Variants in ZNF268 observed in about 807,000 individuals in gnomAD.
ZNF268 encodes zinc finger protein 3.
In ZNF268, 20 loss-of-function variants were observed where a neutral mutation model predicts 29.3. That is an observed-to-expected ratio of 0.68 (90% CI 0.48 to 0.99). The LOEUF (loss-of-function observed/expected upper bound fraction) is 0.99, where lower values mean the gene tolerates loss of function less well. Ranked by LOEUF, ZNF268 falls within the 50% of genes least tolerant of loss-of-function variation. The pLI is 0.00. For missense variants in ZNF268, 1,240 were observed against 1,121.6 expected, an observed-to-expected ratio of 1.11 and a Z score of -1.51; for synonymous variants, 429 against 376.9, an observed-to-expected ratio of 1.14 and a Z score of -1.60.
chr12:133,184,724 C>G (rs756366219), intron 2 of ZNF268: 1 of 451,318 alleles, frequency 2.2e-6, no homozygotes, highest in East Asian at 7.0e-5. Flanking sequence ...TCAAGTGGTT[C>G]TCTTGCCTCA....
chr12:133,184,718 G>A, intron 2 of ZNF268: 1 of 451,590 alleles, frequency 2.2e-6, no homozygotes, highest in South Asian at 1.6e-5. Context: ...CCGAGTTCAA[G>A]TGGTTCTCTT....
rs1383967103 is a variant in ZNF268 at position 133,204,849 on chromosome 12, T to A, written c.*319T>A. ...GTAAAGTCATTTTACTAAAATAAGA[T>A]TCACAAAGAGGAAACTTCATGAACC... On this transcript the variant is annotated 3_prime_UTR_variant, in exon 6 of 6. Transcript: ENST00000536435. 2.3e-5 allele frequency: 5 copies of A among 219,650 alleles called. No individual in the cohort carries two copies. The highest frequency in any genetic ancestry group is 3.6e-5 in the Non-Finnish European group (4 of 112,612). 13.6% of individuals were successfully genotyped at this position (219,650 alleles called of 1,614,324 possible).
At position 133,196,960 on chromosome 12, in the gene ZNF268, CT is replaced by C. The variant is rs142022636; in HGVS notation, c.457+4967del. ...AAGATCCCCTGATCTGCTCTGCTTTCTTTTTTTTTTAATATTAATACCTTTA... is the reference window on the plus strand; with the variant it reads ...AAGATCCCCTGATCTGCTCTGCTTTCTTTTTTTTTAATATTAATACCTTTA... On this transcript the variant is annotated intron_variant, in intron 5 of 5. Transcript: ENST00000536435. Among the ~76,000 whole-genome samples the C allele has an allele frequency of 2.2e-3, 302 of 136,904 alleles. 2 individuals are homozygous for C. Among genetic ancestry groups the C allele is most frequent in the Non-Finnish European group, 3.4e-3 (215 of 62,846 alleles). 89.8% of individuals were successfully genotyped at this position (136,904 alleles called of 152,430 possible). A position where few individuals can be genotyped will look rare whatever the true frequency, so the allele number is the denominator to read the frequency against.
chr12:133,202,109 A>G lies in ZNF268; in HGVS notation c.458-35A>G. ...CTTTCTAGTATACCGCAATCATGTG[A>G]TTTATAACATGTGACCAATTGTTCT... On this transcript the variant is annotated intron_variant, in intron 5 of 5. Transcript: ENST00000536435. The G allele has an allele frequency of 6.0e-6, 9 of 1,504,188 alleles. No homozygotes were observed. In the East Asian group the frequency reaches 2.1e-4, roughly 34 times the overall value. The allele number at this position is 1,504,188 out of a possible 1,614,324, so 93.2% of individuals were successfully genotyped here. A position where few individuals can be genotyped will look rare whatever the true frequency, so the allele number is the denominator to read the frequency against.
chr12:133,202,030 A>T, intron 5 of ZNF268, 114 bp from the exon 6 acceptor site: 1 of 856,166 alleles, frequency 1.2e-6, no homozygotes, highest in Non-Finnish European at 1.7e-6. Flanking sequence ...TTTCTAGTAT[A>T]CCACAATCAT....
intron 2 of ZNF268, among the ~76,000 whole-genome samples, chr12:133,184,973 C>T (rs1956272204): frequency 6.6e-6 from 1 of 152,092 alleles, no homozygotes; most frequent in Non-Finnish European, 1.5e-5. Context: ...CATCTGAGGT[C>T]AGGAGTTCGA....
rs981825194 is a variant in ZNF268, at chr12:133,204,155, CAT to C, written c.2470_2471del (p.Ile824CysfsTer3). 5.8e-6 allele frequency: 9 copies of C among 1,542,364 alleles called. No individual in the cohort carries two copies. In the African/African-American group the frequency reaches 1.2e-4, roughly 21 times the overall value. On this transcript the variant is annotated frameshift_variant, in exon 6 of 6. Transcript: ENST00000536435. LOFTEE classifies it low-confidence loss of function (END_TRUNC). ...GKAFIWKSLL[I>X]VHERTHAGVN... ...AAGCCTTCATTTGGAAATCACTACT[CAT>C]TGTACATGAGCGAACTCATGCAGGG...
intron 5 of ZNF268, among the ~76,000 whole-genome samples, chr12:133,192,951 G>A (rs1436646018): frequency 1.3e-5 from 2 of 152,184 alleles, no homozygotes; most frequent in East Asian, 3.9e-4. Context: ...CAGGCACCAT[G>A]CCTGGCCTTG....
rs1271294913 is a variant in ZNF268, at chr12:133,212,088, A to G, written c.*7558A>G. 1 of 152,224 alleles carries G rather than the reference A, an allele frequency of 6.6e-6. No individual in the cohort carries two copies. The highest frequency in any genetic ancestry group is 2.4e-5 in the African/African-American group (1 of 41,452). The allele number at this position is 152,224 out of a possible 1,614,324, so 9.4% of individuals were successfully genotyped here. On this transcript the variant is annotated 3_prime_UTR_variant, in exon 6 of 6. Transcript: ENST00000536435. The stretch of plus-strand genomic sequence containing the variant: ...CAGGACATGGATGAATCTGATAGGC[A>G]TATTGCTAAGTGAAAGAGACCAGTG...
Position 133,204,012 on chromosome 12 carries a change from G to C in ZNF268, c.2326G>C (p.Gly776Arg), listed in dbSNP as rs1276698681. ...CATTTCACATCAGCGAACTCATGCA[G>C]GGGAAAAGCCTTATGGGTGCAGTGA... Reference protein sequence around the residue: ...QLISHQRTHAGEKPYGCSECG... With the variant: ...QLISHQRTHAREKPYGCSECG... Residue 776 changes from glycine to arginine, a missense_variant, in exon 6 of 6, where the codon GGG becomes CGG. By Grantham distance (125) the Gly-to-Arg change is moderately radical. Transcript: ENST00000536435. 1 of 1,578,262 alleles carries C rather than the reference G, an allele frequency of 6.3e-7. No homozygotes were observed. The highest frequency in any genetic ancestry group is 1.1e-5 in the South Asian group (1 of 87,364).
chr12:133,190,953 C>G (rs1417050593), intron 3 of ZNF268, among the ~76,000 whole-genome samples: 1 of 152,020 alleles, frequency 6.6e-6, no homozygotes, highest in Admixed American at 6.5e-5. Context: ...GTTTGCCTGA[C>G]TGTCCTGCCT....
At chr12:133,196,764 C>T (rs571692032) in intron 5 of ZNF268, among the ~76,000 whole-genome samples, 3 of 152,180 alleles carry the variant, frequency 2.0e-5, no homozygotes, top group South Asian at 2.1e-4. Flanking sequence ...TTGTGAAAAC[C>T]GAAAGTGCTC....
In ZNF268 at chr12:133,183,810, C is replaced by A. The variant is rs577574066; in HGVS notation, c.33+1780C>A. On this transcript the variant is annotated intron_variant, in intron 2 of 5. Coordinates refer to ENST00000536435, the MANE Select transcript of ZNF268 (RefSeq NM_003415.3). The stretch of plus-strand genomic sequence containing the variant: ...CTGAGGACAGTGGTCAGGGAAATGA[C>A]AAGAGAAAGCAGGGGAAGAGGTGTT... 1.1e-3 allele frequency among the ~76,000 whole-genome samples: 161 copies of A among 152,116 alleles called. 1 individual carries two copies. The highest frequency in any genetic ancestry group is 3.3e-3 in the South Asian group (16 of 4,826).
intron 5 of ZNF268, among the ~76,000 whole-genome samples, chr12:133,198,209 G>C (rs1956660400): frequency 6.8e-6 from 1 of 147,612 alleles, no homozygotes; most frequent in East Asian, 1.9e-4. Flanking sequence ...ATTGATTTTT[G>C]TATAAGGTGT....
intron 5 of ZNF268, among the ~76,000 whole-genome samples, chr12:133,196,023 TAAA>T (rs760775058): frequency 9.1e-5 from 11 of 120,374 alleles, no homozygotes; most frequent in African/African-American, 1.2e-4. Context: ...CCTGTCTCTT[TAAA>T]AAAAAAAAAA....
At chr12:133,189,664 C>T (rs1354628671) in intron 3 of ZNF268, among the ~76,000 whole-genome samples, 1 of 152,194 alleles carries the variant, frequency 6.6e-6, no homozygotes, top group African/African-American at 2.4e-5. Context: ...TCTTCATAAA[C>T]AGTCGTGTCA....
chr12:133,211,458 G>A lies in ZNF268; in HGVS notation c.*6928G>A, dbSNP rs1162130133. On this transcript the variant is annotated 3_prime_UTR_variant, in exon 6 of 6. Coordinates refer to ENST00000536435, the MANE Select transcript of ZNF268 (RefSeq NM_003415.3). ...TAGCCAGGCGTGGTGGCGCTACTCT[G>A]CCACCAAGTGGTAGCTACTCCGGAG... 3 of 175,792 alleles carry A rather than the reference G, an allele frequency of 1.7e-5. No individual in the cohort carries two copies. The highest frequency in any genetic ancestry group is 1.6e-4 in the East Asian group (1 of 6,400). 10.9% of individuals were successfully genotyped at this position (175,792 alleles called of 1,614,324 possible).
In ZNF268 at chr12:133,188,005, G is replaced by T; in HGVS notation, c.167G>T (p.Arg56Leu). ...ACACCCAGGCAGAAGCAGAAGAGTCGCAGAATAGAGAAAGTCCTAGAGTGG... is the reference window on the plus strand; with the variant it reads ...ACACCCAGGCAGAAGCAGAAGAGTCTCAGAATAGAGAAAGTCCTAGAGTGG... ...PGTPRQKQKS[R>L]RIEKVLEWLF... The change falls in exon 3 of 6, where the codon CGC (arginine) becomes CTC (leucine). Residue 56 changes from arginine (R) to leucine (L), a missense_variant. This residue lies in a region of ZNF268 where 12 missense variants were observed against 30.6 expected (regional missense o/e 0.39). Coordinates refer to ENST00000536435, the MANE Select transcript of ZNF268 (RefSeq NM_003415.3). 2 of 1,596,328 alleles carry T rather than the reference G, an allele frequency of 1.3e-6. No individual in the cohort carries two copies. The highest frequency in any genetic ancestry group is 2.7e-5 in the African/African-American group (2 of 74,730).
rs1289276674 is a variant in ZNF268, at chr12:133,212,475, ATATATATATATATATATATATATG to A, written c.*7954_*7977del. 633 of 12,196 alleles carry A rather than the reference ATATATATATATATATATATATATG, an allele frequency of 0.052. 17 individuals carry two copies. Among genetic ancestry groups the A allele is most frequent in the African/African-American group, 0.13 (540 of 4,276 alleles). 0.8% of individuals were successfully genotyped at this position (12,196 alleles called of 1,614,324 possible). ...TATATATATATATATATATATATATATATATATATATATATATATATATGTATATATACACACACACATACACAC... is the reference window on the plus strand; with the variant it reads ...TATATATATATATATATATATATATATATATATACACACACACATACACAC... On this transcript the variant is annotated 3_prime_UTR_variant, in exon 6 of 6. Coordinates refer to ENST00000536435, the MANE Select transcript of ZNF268 (RefSeq NM_003415.3).
Sources: allele counts gnomAD v4.1 joint callset (sites outside exome capture counted in the v4.1 genomes callset), GRCh38; gene constraint gnomAD v4.1.1; regional missense constraint gnomAD v4.1.1; transcripts MANE v1.5; gene names NCBI Gene and HGNC (gene_info 2026-07-23, HGNC 2026-07-21).